MAP6: variants seen among roughly 807,000 people sequenced by gnomAD.
The protein encoded by MAP6 is microtubule associated protein 6, also known as microtubule-associated protein 6.
MAP6 carries 26 observed loss-of-function variants against 42.4 expected under a neutral mutation model. The ratio of observed to expected loss-of-function variants is 0.61; its 90% CI spans 0.45 to 0.85. The LOEUF (loss-of-function observed/expected upper bound fraction) is 0.85, where lower values mean the gene tolerates loss of function less well. Ranked by LOEUF, MAP6 falls within the 40% of genes least tolerant of loss-of-function variation. The pLI is 0.00. For missense variants in MAP6, 966 were observed against 1,099.0 expected, an observed-to-expected ratio of 0.88 and a Z score of 1.71; for synonymous variants, 418 against 443.8, an observed-to-expected ratio of 0.94 and a Z score of 0.73.
intron 1 of MAP6, among the ~76,000 whole-genome samples, chr11:75,610,144 C>A (rs918768014): frequency 1.3e-5 from 2 of 152,164 alleles, no homozygotes; most frequent in African/African-American, 4.8e-5. Flanking sequence ...TCACCAGATA[C>A]GTCTCCTTGG....
chr11:75,637,820 G>A (rs925207540), intron 1 of MAP6, among the ~76,000 whole-genome samples: 3 of 145,676 alleles, frequency 2.1e-5, no homozygotes, highest in Non-Finnish European at 4.5e-5. Flanking sequence ...AGGGAGGGAG[G>A]GAGGGAGGGA....
chr11:75,663,086 T>C (rs1397569438), intron 1 of MAP6, among the ~76,000 whole-genome samples: 2 of 151,864 alleles, frequency 1.3e-5, no homozygotes, highest in African/African-American at 4.8e-5. Flanking sequence ...CTCAGCCTCC[T>C]GAGTAGCTGG....
At position 75,667,573 on chromosome 11, in the gene MAP6, G is replaced by T. The variant is rs1943974193; in HGVS notation, c.797C>A (p.Ala266Asp). ...CTCGGGGCCGGTGGCCTGGACCTGGGCCTGGGCCGCGGGCAGCGGCGTCTG... is the reference window on the plus strand; with the variant it reads ...CTCGGGGCCGGTGGCCTGGACCTGGTCCTGGGCCGCGGGCAGCGGCGTCTG... Reference protein sequence around the residue: ...HEQTPLPAAQAQVQATGPEAG... With the variant: ...HEQTPLPAAQDQVQATGPEAG... Residue 266 changes from alanine (A) to aspartate (D), a missense_variant, in exon 1 of 4, where the codon GCC becomes GAC. By Grantham distance (126) the Ala-to-Asp change is moderately radical (BLOSUM62 -2). This residue lies in a region of MAP6 where 943 missense variants were observed against 1,049.9 expected (regional missense o/e 0.90). Transcript: ENST00000304771. This position sits in a 1 kb window ranked among gnomAD's most constrained non-coding sequence, Gnocchi z 5.6. The T allele has an allele frequency of 7.7e-6, 11 of 1,426,442 alleles. No individual in the cohort carries two copies. Among genetic ancestry groups the T allele is most frequent in the Non-Finnish European group, 1.0e-5 (11 of 1,100,338 alleles). 88.4% of individuals were successfully genotyped at this position (1,426,442 alleles called of 1,614,324 possible).
rs1051939095 is a variant in MAP6 at position 75,667,376 on chromosome 11, A to G, written c.905+89T>C. ...TGGGACTGGAGGGAGGCTGCACGCT[A>G]GGCCTGCGCTGGGGATCCTGGGCCC... On this transcript the variant is annotated intron_variant, in intron 1 of 3. Coordinates refer to ENST00000304771, the MANE Select transcript of MAP6 (RefSeq NM_033063.2). This position sits in a 1 kb window ranked among gnomAD's most constrained non-coding sequence, Gnocchi z 5.6. 7.3e-6 allele frequency: 9 copies of G among 1,232,304 alleles called. No individual in the cohort carries two copies. The highest frequency in any genetic ancestry group is 3.2e-5 in the African/African-American group (2 of 62,722). The allele number at this position is 1,232,304 out of a possible 1,614,324, so 76.3% of individuals were successfully genotyped here.
chr11:75,616,152 A>C (rs927095642), intron 1 of MAP6, among the ~76,000 whole-genome samples: 1 of 152,248 alleles, frequency 6.6e-6, no homozygotes, highest in African/African-American at 2.4e-5. Flanking sequence ...TCTTGATAAG[A>C]GCAGAGACTT....
At position 75,668,229 on chromosome 11, in the gene MAP6, C is replaced by CGGT. The variant is rs775278140; in HGVS notation, c.138_140dup (p.Pro49dup). ...CCGGCTGCGCCTGCTGCTGCGGCGG[C>CGGT]GGTGGCTGCGGCGGGGCGCCCGGGT... On this transcript the variant is annotated inframe_insertion, in exon 1 of 4. Transcript: ENST00000304771. The CGGT allele has an allele frequency of 4.3e-6, 6 of 1,399,404 alleles. No individual in the cohort carries two copies. The Admixed American group carries it at 1.5e-4, about 36-fold the overall frequency. 86.7% of individuals were successfully genotyped at this position (1,399,404 alleles called of 1,614,324 possible). A position where few individuals can be genotyped will look rare whatever the true frequency, so the allele number is the denominator to read the frequency against.
At chr11:75,657,580 C>G (rs1297799708) in intron 1 of MAP6, among the ~76,000 whole-genome samples, 1 of 152,196 alleles carries the variant, frequency 6.6e-6, no homozygotes, top group Non-Finnish European at 1.5e-5. Flanking sequence ...GTATCAATCT[C>G]CTATAGCTAC....
intron 1 of MAP6, among the ~76,000 whole-genome samples, chr11:75,632,507 T>C (rs1943299524): frequency 6.6e-6 from 1 of 152,206 alleles, no homozygotes; most frequent in Non-Finnish European, 1.5e-5. Context: ...TCCATCTTCC[T>C]CTTTCCTTTC....
intron 1 of MAP6, among the ~76,000 whole-genome samples, chr11:75,618,009 T>C (rs1943032963): frequency 6.6e-6 from 1 of 152,006 alleles, no homozygotes; most frequent in Non-Finnish European, 1.5e-5. Flanking sequence ...TGTTGCTCCT[T>C]CGGGGGTAAC....
intron 1 of MAP6, among the ~76,000 whole-genome samples, chr11:75,627,528 A>T (rs570093047): frequency 5.9e-5 from 9 of 152,314 alleles, no homozygotes; most frequent in African/African-American, 2.2e-4. Flanking sequence ...GGAGGGTTGG[A>T]AACAAAAGGA....
intron 3 of MAP6, among the ~76,000 whole-genome samples, chr11:75,591,073 A>G (rs1942469101): frequency 6.6e-6 from 1 of 152,264 alleles, no homozygotes; most frequent in South Asian, 2.1e-4. Flanking sequence ...CTAACAGATT[A>G]GCTTTGTAAT....
chr11:75,642,920 C>A, intron 1 of MAP6: 1 of 475,236 alleles, frequency 2.1e-6, no homozygotes, highest in South Asian at 1.6e-5. Context: ...TTAGTCAGCA[C>A]AATAAATGTT....
At chr11:75,641,126 C>T (rs935214956) in intron 1 of MAP6, among the ~76,000 whole-genome samples, 1 of 152,134 alleles carries the variant, frequency 6.6e-6, no homozygotes, top group Non-Finnish European at 1.5e-5. Flanking sequence ...AAATGTGGCA[C>T]ATATACACCA....
chr11:75,600,880 T>G (rs1241310436), intron 3 of MAP6, among the ~76,000 whole-genome samples: 3 of 152,232 alleles, frequency 2.0e-5, no homozygotes, highest in Non-Finnish European at 1.5e-5. Context: ...AAGAATTTCA[T>G]GAAGAACACA....
intron 1 of MAP6, among the ~76,000 whole-genome samples, chr11:75,623,133 G>A (rs1943136671): frequency 6.6e-6 from 1 of 152,146 alleles, no homozygotes; most frequent in South Asian, 2.1e-4. Context: ...CAAAATGAGT[G>A]TATCCATATA....
chr11:75,606,409 C>A (rs929626671), intron 2 of MAP6, among the ~76,000 whole-genome samples: 3 of 152,156 alleles, frequency 2.0e-5, no homozygotes, highest in Non-Finnish European at 4.4e-5. Context: ...CACCTTCAGG[C>A]GGAAAATTTG....
At chr11:75,643,013 G>T (rs1276781527) in intron 1 of MAP6, 1 of 317,312 alleles carries the variant, frequency 3.2e-6, no homozygotes, top group African/African-American at 2.1e-5. Flanking sequence ...TAGTAATCAA[G>T]CCTGTATTCA....
At chr11:75,647,421 C>A in intron 1 of MAP6, among the ~76,000 whole-genome samples, 1 of 136,478 alleles carries the variant, frequency 7.3e-6, no homozygotes, top group African/African-American at 2.8e-5. Context: ...GAAAAATGTT[C>A]AATAGAAGAC....
intron 3 of MAP6, among the ~76,000 whole-genome samples, chr11:75,597,576 G>T (rs1942603292): frequency 6.6e-6 from 1 of 152,176 alleles, no homozygotes; most frequent in Non-Finnish European, 1.5e-5. Flanking sequence ...GACTAAGGCA[G>T]CGCTCAATTC....
Sources: allele counts gnomAD v4.1 joint callset (sites outside exome capture counted in the v4.1 genomes callset), GRCh38; gene constraint gnomAD v4.1.1; regional missense constraint gnomAD v4.1.1; non-coding constraint Gnocchi (gnomAD v3.1); transcripts MANE v1.5; gene names NCBI Gene and HGNC (gene_info 2026-07-23, HGNC 2026-07-21).